Variants in ENKUR observed in about 807,000 individuals in gnomAD.
ENKUR encodes enkurin.
A neutral mutation model predicts 27.6 loss-of-function variants in ENKUR; 19 were observed. The observed-to-expected ratio is 0.69, with a 90% CI of 0.48 to 1.01. The LOEUF (loss-of-function observed/expected upper bound fraction) is 1.01. Among genes scored for constraint, ENKUR ranks in the 50% least tolerant of loss-of-function variants. The pLI is 0.00. For missense variants in ENKUR, 312 were observed against 310.5 expected (o/e 1.00, Z -0.04); for synonymous variants, 117 against 96.9 (o/e 1.21, Z -1.22).
chr10:25,020,901 T>C (rs1850706361), upstream of ENKUR, among the ~76,000 whole-genome samples: 1 of 152,154 alleles, frequency 6.6e-6, no homozygotes, highest in Non-Finnish European at 1.5e-5. Flanking sequence ...ATCAGACTGT[T>C]TTATGTAAGT....
rs1564352066 is a variant in ENKUR at position 25,027,356 on chromosome 10, T to TAAAAAAAAAAAAAAAAAAAAA, written c.38-31488_38-31487insTTTTTTTTTTTTTTTTTTTTT. 1.5e-3 allele frequency among the ~76,000 whole-genome samples: 69 copies of TAAAAAAAAAAAAAAAAAAAAA among 45,732 alleles called. 14 individuals carry two copies. Among genetic ancestry groups the TAAAAAAAAAAAAAAAAAAAAA allele is most frequent in the South Asian group, 5.7e-3 (7 of 1,234 alleles). 30.0% of individuals were successfully genotyped at this position (45,732 alleles called of 152,430 possible). ...TGGGTGACAGAGCAAGACTCCCGTC[T>TAAAAAAAAAAAAAAAAAAAAA]CAAAAAAAAAAAAAAAAAAAAAAAA... On this transcript the variant is annotated intron_variant, in intron 2 of 5. Coordinates refer to the ENKUR transcript ENST00000615958.
At chr10:25,010,362 T>A (rs1292790328) in intron 1 of ENKUR, among the ~76,000 whole-genome samples, 1 of 152,160 alleles carries the variant, frequency 6.6e-6, no homozygotes, top group Non-Finnish European at 1.5e-5. Context: ...CGGCAAAACA[T>A]TCAAGAGGTG....
At chr10:24,997,533 TGCATCA>T (rs1850091430) in intron 2 of ENKUR, among the ~76,000 whole-genome samples, 1 of 151,778 alleles carries the variant, frequency 6.6e-6, no homozygotes, top group Admixed American at 6.6e-5. Flanking sequence ...ACCACAGATG[TGCATCA>T]GCACACCTAG....
At chr10:25,053,730 C>T (rs1284521351) in intron 2 of ENKUR, among the ~76,000 whole-genome samples, 2 of 152,108 alleles carry the variant, frequency 1.3e-5, no homozygotes, top group South Asian at 2.1e-4. Context: ...TGAAATATTT[C>T]GAATGCTGTA....
chr10:25,057,126 A>T (rs1446984661), intron 2 of ENKUR, among the ~76,000 whole-genome samples: 3 of 152,162 alleles, frequency 2.0e-5, no homozygotes, highest in Non-Finnish European at 4.4e-5. Flanking sequence ...GTAAAAAGAA[A>T]ATGAGCTATA....
intron 1 of ENKUR, among the ~76,000 whole-genome samples, chr10:25,007,446 A>G (rs529663941): frequency 3.3e-5 from 5 of 151,958 alleles, no homozygotes; most frequent in Middle Eastern, 6.8e-3. Context: ...TTGTTTGTTT[A>G]TTTATTGAGA....
At chr10:24,992,454 T>A (rs1358333791) in intron 3 of ENKUR, among the ~76,000 whole-genome samples, 1 of 152,202 alleles carries the variant, frequency 6.6e-6, no homozygotes, top group Non-Finnish European at 1.5e-5. Context: ...GACAACACTT[T>A]CCTGTGTTGT....
intron 1 of ENKUR, among the ~76,000 whole-genome samples, chr10:25,007,906 G>A (rs1292806240): frequency 6.6e-6 from 1 of 151,090 alleles, no homozygotes; most frequent in East Asian, 1.9e-4. Flanking sequence ...CAACCACATA[G>A]TTTTCCAGGC....
chr10:25,001,590 T>C (rs1850190804), intron 1 of ENKUR, among the ~76,000 whole-genome samples: 1 of 152,142 alleles, frequency 6.6e-6, no homozygotes, highest in Non-Finnish European at 1.5e-5. Context: ...TTTTGCATTG[T>C]TCTATTACTG....
intron 2 of ENKUR, chr10:25,025,438 C>CA (rs1411587237): frequency 1.2e-6 from 2 of 1,602,706 alleles, no homozygotes; most frequent in Non-Finnish European, 1.7e-6. Flanking sequence ...ACAACTTGTC[C>CA]AAAATCAATT....
At chr10:25,042,161 A>C (rs1851071345) in intron 2 of ENKUR, among the ~76,000 whole-genome samples, 1 of 152,076 alleles carries the variant, frequency 6.6e-6, no homozygotes, top group African/African-American at 2.4e-5. Flanking sequence ...ACTTACTCTG[A>C]AATGTTTCTG....
intron 2 of ENKUR, among the ~76,000 whole-genome samples, chr10:25,041,074 C>T (rs1249636629): frequency 6.6e-6 from 1 of 152,194 alleles, no homozygotes; most frequent in African/African-American, 2.4e-5. Context: ...TTAGACAACA[C>T]TGTAAATAGC....
At chr10:25,031,101 A>G (rs111949996) in intron 2 of ENKUR, among the ~76,000 whole-genome samples, 2,583 of 152,340 alleles carry the variant, frequency 0.017, 65 homozygotes, top group African/African-American at 0.059. Context: ...TGAGTGATAG[A>G]GTGAGACTCC....
At chr10:24,989,826 A>G (rs1323486196) in intron 4 of ENKUR, among the ~76,000 whole-genome samples, 3 of 152,208 alleles carry the variant, frequency 2.0e-5, no homozygotes, top group Non-Finnish European at 4.4e-5. Context: ...ATGACTATAA[A>G]AAGTACAAAG....
At chr10:25,025,737 C>T in intron 2 of ENKUR, 1 of 348,196 alleles carries the variant, frequency 2.9e-6, no homozygotes, top group Non-Finnish European at 5.5e-6. Context: ...CCCACACCCT[C>T]ACTGTTATGT....
intron 2 of ENKUR, among the ~76,000 whole-genome samples, chr10:25,053,431 A>G (rs1380792910): frequency 6.6e-6 from 1 of 152,124 alleles, no homozygotes; most frequent in African/African-American, 2.4e-5. Flanking sequence ...CCTTTGACTA[A>G]TATCTCCCCA....
chr10:25,027,190 A>G (rs1340087582), intron 2 of ENKUR, among the ~76,000 whole-genome samples: 2 of 151,292 alleles, frequency 1.3e-5, no homozygotes. Flanking sequence ...CCCTGTCTCT[A>G]CTAAAAATGC....
At position 25,015,891 on chromosome 10, in the gene ENKUR, T is replaced by C; in HGVS notation, c.46A>G (p.Ser16Gly). The C allele has an allele frequency of 5.6e-6, 9 of 1,606,538 alleles. No individual in the cohort carries two copies. Among genetic ancestry groups the C allele is most frequent in the Non-Finnish European group, 7.7e-6 (9 of 1,176,244 alleles). Residue 16 changes from serine (S) to glycine (G), a missense_variant, in exon 1 of 6, where the codon AGT (serine) becomes GGT (glycine). By Grantham distance (56) the Ser-to-Gly change is moderately conservative (BLOSUM62 0). Transcript: ENST00000331161. ...SSECIYNLIP[S>G]DLKEPPQPPR... ...GGCTGGGGAGGCTCCTTCAAGTCAC[T>C]GGGTATGAGGTTATAAATGCACTCA...
intron 4 of ENKUR, among the ~76,000 whole-genome samples, chr10:24,986,154 T>A (rs1295148070): frequency 6.6e-6 from 1 of 152,240 alleles, no homozygotes; most frequent in Non-Finnish European, 1.5e-5. Flanking sequence ...TACATTTAGG[T>A]GTAAAAGAGG....
Sources: allele counts gnomAD v4.1 joint callset (sites outside exome capture counted in the v4.1 genomes callset), GRCh38; gene constraint gnomAD v4.1.1; transcripts MANE v1.5; gene names NCBI Gene and HGNC (gene_info 2026-07-23, HGNC 2026-07-21).